Variants in SSC4D observed in about 807,000 individuals in gnomAD.
SSC4D encodes the protein scavenger receptor cysteine-rich domain-containing group B protein.
A neutral mutation model predicts 63.4 loss-of-function variants in SSC4D; 57 were observed. That is an observed-to-expected ratio of 0.90 (90% confidence interval 0.73 to 1.12). The LOEUF (loss-of-function observed/expected upper bound fraction) is 1.12, where lower values mean the gene tolerates loss of function less well. SSC4D is among the 50% of genes most tolerant of loss of function. The pLI, the probability that SSC4D is intolerant of heterozygous loss-of-function variation, is 0.00. For synonymous variants in SSC4D, 352 were observed against 345.4 expected (o/e 1.02, Z -0.21); for missense variants, 791 against 806.4 (o/e 0.98, Z 0.23).
Position 76,398,738 on chromosome 7 carries a change from T to A in SSC4D, c.535A>T (p.Thr179Ser), listed in dbSNP as rs1413410840. The A allele has an allele frequency of 1.2e-6, 2 of 1,613,356 alleles. No individual in the cohort carries two copies. Among genetic ancestry groups the A allele is most frequent in the African/African-American group, 2.7e-5 (2 of 74,928 alleles). ...TACGTACTTTTTCCATTCGGCAGTG[T>A]CGTAGGAGGTGCTCTACTGGTTAAC... ...KMLTSRAPPT[T>S]LPNGKSEGSV... The change falls in exon 5 of 11, where the codon ACA (threonine) becomes TCA (serine). Residue 179 changes from threonine to serine, a missense_variant. By Grantham distance (58) the Thr-to-Ser change is moderately conservative (BLOSUM62 1). Transcript: ENST00000275560.
chr7:76,405,211 C>A (rs1804959628), intron 1 of SSC4D, among the ~76,000 whole-genome samples: 1 of 127,342 alleles, frequency 7.9e-6, no homozygotes, highest in Non-Finnish European at 1.7e-5. Flanking sequence ...TCAAGTGATT[C>A]TCCTGCCTCA....
At chr7:76,405,342 T>TCTTTCTTTCTTTCTTTC (rs1254961705) in intron 1 of SSC4D, among the ~76,000 whole-genome samples, 1 of 85,888 alleles carries the variant, frequency 1.2e-5, no homozygotes, top group African/African-American at 4.6e-5. Context: ...TTTCTTTCTT[T>TCTTTCTTTCTTTCTTTC]TTTTTTTTTT....
intron 5 of SSC4D, among the ~76,000 whole-genome samples, chr7:76,398,356 C>G: frequency 6.8e-6 from 1 of 148,080 alleles, no homozygotes; most frequent in East Asian, 2.0e-4. Flanking sequence ...GTCCCCCAGG[C>G]TAGAGTACAG....
chr7:76,402,507 A>AG (rs1387358321), intron 2 of SSC4D, among the ~76,000 whole-genome samples: 3 of 151,434 alleles, frequency 2.0e-5, no homozygotes, highest in Non-Finnish European at 4.4e-5. Flanking sequence ...TTGTAGAGAC[A>AG]GGGGTCTCAC....
In SSC4D at chr7:76,400,308, C is replaced by G. The variant is rs367686256; in HGVS notation, c.453G>C (p.Glu151Asp). Residue 151 changes from glutamate (E) to aspartate (D), a missense_variant, in exon 4 of 11, where the codon GAG (glutamate) becomes GAC (aspartate). By Grantham distance (45) the Glu-to-Asp change is conservative. Coordinates refer to ENST00000275560, the MANE Select transcript of SSC4D (RefSeq NM_080744.2). ...CACCATCACACAGGACAGCCACATC[C>G]TCGTAGTGAAAGCAATTGTGGACGC... ...GWGVHNCFHY[E>D]DVAVLCDEFL... The G allele has an allele frequency of 2.7e-6, 4 of 1,501,566 alleles. No homozygotes were observed. The highest frequency in any genetic ancestry group is 1.3e-5 in the South Asian group (1 of 74,906). The allele number at this position is 1,501,566 out of a possible 1,614,324, so 93.0% of individuals were successfully genotyped here. A position where few individuals can be genotyped will look rare whatever the true frequency, so the allele number is the denominator to read the frequency against.
At chr7:76,395,906 G>T (rs1047556503) in intron 6 of SSC4D, among the ~76,000 whole-genome samples, 2 of 152,204 alleles carry the variant, frequency 1.3e-5, no homozygotes, top group African/African-American at 4.8e-5. Flanking sequence ...TGCTGGCTAG[G>T]CTGGTCTCAA....
rs1234813732 is a variant in SSC4D at position 76,393,667 on chromosome 7, C to T, written c.1071G>A (p.Val357=). 3 of 1,442,462 alleles carry T rather than the reference C, an allele frequency of 2.1e-6. 1 individual carries two copies. Among genetic ancestry groups the T allele is most frequent in the South Asian group, 1.4e-5 (1 of 71,594 alleles). The allele number at this position is 1,442,462 out of a possible 1,614,324, so 89.4% of individuals were successfully genotyped here. ...VGGPGPCRGR[V]EVLHAGGWGT... ...CCCAGCCCCCGGCGTGCAACACCTC[C>T]ACGCGGCCGCGGCACGGACCCGGGC... is the stretch of plus-strand genomic sequence containing the variant. The change falls in exon 9 of 11, where the codon GTG becomes GTA. Residue 357 remains valine, a synonymous_variant. Coordinates refer to ENST00000275560, the MANE Select transcript of SSC4D (RefSeq NM_080744.2).
Position 76,389,947 on chromosome 7 carries a change from C to G in SSC4D, c.*112G>C. 7.0e-7 allele frequency: 1 copy of G among 1,424,428 alleles called. No individual in the cohort carries two copies. The highest frequency in any genetic ancestry group is 1.3e-5 in the South Asian group (1 of 77,998). 88.2% of individuals were successfully genotyped at this position (1,424,428 alleles called of 1,614,324 possible). The stretch of plus-strand genomic sequence containing the variant: ...CTGTCTAGGTAGGCTCTCTCCCAGG[C>G]AAGGGAAGGAGGGGCAAAGTGAACT... On this transcript the variant is annotated 3_prime_UTR_variant, in exon 11 of 11. Coordinates refer to ENST00000275560, the MANE Select transcript of SSC4D (RefSeq NM_080744.2).
At chr7:76,397,413 A>G in intron 6 of SSC4D, 105 bp downstream of exon 6, 4 of 1,366,014 alleles carry the variant, frequency 2.9e-6, no homozygotes, top group African/African-American at 1.5e-5. Context: ...AAGACAGCCA[A>G]AACACCCTCC....
chr7:76,392,298 C>T (rs1441965266), intron 9 of SSC4D, among the ~76,000 whole-genome samples: 1 of 152,134 alleles, frequency 6.6e-6, no homozygotes, highest in African/African-American at 2.4e-5. Context: ...CCTGTAATCC[C>T]AGCACTTTGG....
intron 7 of SSC4D, among the ~76,000 whole-genome samples, chr7:76,394,743 T>A (rs921201504): frequency 7.4e-5 from 8 of 108,204 alleles, no homozygotes; most frequent in Non-Finnish European, 5.4e-5. Context: ...AATATATGTA[T>A]GTATAATATA....
intron 1 of SSC4D, among the ~76,000 whole-genome samples, chr7:76,405,311 A>C (rs1174265893): frequency 0.032 from 1,463 of 45,130 alleles, 89 homozygotes; most frequent in African/African-American, 0.077. Context: ...ATATATATAT[A>C]TATATGTATT....
Position 76,393,398 on chromosome 7 carries a change from G to A in SSC4D, c.1333+7C>T. Reference sequence around the variant, plus strand: ...GCTGTCAGCCTCACCTTCGCTGTCAGCCTCACCTGCGCAGAGCGCTCCCGC... The same window carrying A: ...GCTGTCAGCCTCACCTTCGCTGTCAACCTCACCTGCGCAGAGCGCTCCCGC... On this transcript the variant is annotated splice_region_variant and intron_variant, in intron 9 of 10. Transcript: ENST00000275560. 1 of 1,403,822 alleles carries A rather than the reference G, an allele frequency of 7.1e-7. No homozygotes were observed. Among genetic ancestry groups the A allele is most frequent in the South Asian group, 1.6e-5 (1 of 63,692 alleles). The allele number at this position is 1,403,822 out of a possible 1,614,324, so 87.0% of individuals were successfully genotyped here.
chr7:76,396,530 G>C (rs768584930), intron 6 of SSC4D, among the ~76,000 whole-genome samples: 1 of 152,192 alleles, frequency 6.6e-6, no homozygotes, highest in Non-Finnish European at 1.5e-5. Context: ...GTGCATTGCC[G>C]CGTCAATGAA....
chr7:76,400,702 C>T, intron 3 of SSC4D, 111 bp from the exon 4 acceptor site: 2 of 1,232,856 alleles, frequency 1.6e-6, no homozygotes, highest in South Asian at 1.7e-5. Context: ...GAGACGGGGT[C>T]TCACTATGTT....
intron 9 of SSC4D, among the ~76,000 whole-genome samples, chr7:76,392,816 G>C (rs2115739699): frequency 6.6e-6 from 1 of 152,034 alleles, no homozygotes; most frequent in East Asian, 1.9e-4. Context: ...AAAGAAATAG[G>C]TGTTGTGCCT....
Position 76,393,608 on chromosome 7 carries a change from T to A in SSC4D, c.1130A>T (p.Asp377Val). 1 of 1,503,922 alleles carries A rather than the reference T, an allele frequency of 6.6e-7. No homozygotes were observed. The highest frequency in any genetic ancestry group is 8.8e-7 in the Non-Finnish European group (1 of 1,132,922). The allele number at this position is 1,503,922 out of a possible 1,614,324, so 93.2% of individuals were successfully genotyped here. Reference protein sequence around the residue: ...TVCDDDWDFADARVACREAGC... With the variant: ...TVCDDDWDFAVARVACREAGC... ...CGCTTCGCGGCAGGCCACGCGCGCG[T>A]CCGCAAAGTCCCAGTCATCGTCGCA... The change falls in exon 9 of 11, where the codon GAC becomes GTC. Residue 377 changes from aspartate (D) to valine (V), a missense_variant. By Grantham distance (152) the Asp-to-Val change is radical. Coordinates refer to ENST00000275560, the MANE Select transcript of SSC4D (RefSeq NM_080744.2).
intron 6 of SSC4D, 113 bp downstream of exon 6, chr7:76,397,405 G>A: frequency 7.6e-7 from 1 of 1,312,604 alleles, no homozygotes; most frequent in Non-Finnish European, 1.0e-6. Context: ...GGAGCATCAA[G>A]ACAGCCAAAA....
chr7:76,391,545 T>C (rs952666473), intron 10 of SSC4D, among the ~76,000 whole-genome samples: 4 of 152,170 alleles, frequency 2.6e-5, no homozygotes, highest in East Asian at 1.9e-4. Context: ...GGGTGCTTCA[T>C]GTCTGCTCTC....
Sources: allele counts gnomAD v4.1 joint callset (sites outside exome capture counted in the v4.1 genomes callset), GRCh38; gene constraint gnomAD v4.1.1; transcripts MANE v1.5; gene names NCBI Gene and HGNC (gene_info 2026-07-23, HGNC 2026-07-21).